MPP2: variants seen among roughly 807,000 people sequenced by gnomAD.
MPP2 encodes the protein MAGUK p55 subfamily member 2.
In MPP2, 42 loss-of-function variants were observed where a neutral mutation model predicts 58.5. The ratio of observed to expected loss-of-function variants is 0.72; its 90% CI spans 0.56 to 0.93. The LOEUF is 0.93. MPP2 is among the 40% of genes least tolerant of loss of function. The pLI, the probability that MPP2 is intolerant of heterozygous loss-of-function variation, is 0.00. For synonymous variants in MPP2, 300 were observed against 307.8 expected, an observed-to-expected ratio of 0.97 and a Z score of 0.26; for missense variants, 632 against 760.4, an observed-to-expected ratio of 0.83 and a Z score of 1.99.
At chr17:43,900,572 GACT>G (rs1444602967) in intron 2 of MPP2, 3 of 1,536,076 alleles carry the variant, frequency 2.0e-6, no homozygotes, top group Admixed American at 4.0e-5. Flanking sequence ...CAGACCCGGG[GACT>G]CCCGGAGCGT....
rs1055181219 is a variant in MPP2, at chr17:43,880,234, C to A, written c.1151-250G>T. Among the ~76,000 whole-genome samples, 1 of 152,048 alleles carries A rather than the reference C, an allele frequency of 6.6e-6. No individual in the cohort carries two copies. The highest frequency in any genetic ancestry group is 2.4e-5 in the African/African-American group (1 of 41,398). ...AAGAGAGGCTGAGGTCCAGAAAGGG[C>A]AATGTACAGCCCAAAGCCACACAGC... On this transcript the variant is annotated intron_variant, in intron 10 of 12. Coordinates refer to ENST00000269095, the MANE Select transcript of MPP2 (RefSeq NM_005374.5). The surrounding 1 kb of genome is among the most constrained non-coding windows in gnomAD (Gnocchi z 5.2).
At chr17:43,901,173 C>T (rs118013624) in intron 2 of MPP2, 11,241 of 816,866 alleles carry the variant, frequency 0.014, 85 homozygotes, top group Middle Eastern at 0.026. Context: ...GGGCAAATAC[C>T]TCAAGCCTCA....
At chr17:43,881,002 G>C (rs2047087534) in intron 9 of MPP2, 88 bp downstream of exon 9, 3 of 1,546,166 alleles carry the variant, frequency 1.9e-6, no homozygotes, top group Non-Finnish European at 2.7e-6. Context: ...ATCTGAGCCA[G>C]GCACACGTCG....
At chr17:43,887,031 C>T (rs528308521) in intron 3 of MPP2, among the ~76,000 whole-genome samples, 53 of 140,432 alleles carry the variant, frequency 3.8e-4, no homozygotes, top group Non-Finnish European at 6.7e-4. Context: ...TTTGACTCTG[C>T]TTGTGGTGTT....
intron 1 of MPP2, among the ~76,000 whole-genome samples, chr17:43,906,338 G>A (rs1002171104): frequency 1.3e-5 from 2 of 152,206 alleles, no homozygotes; most frequent in African/African-American, 4.8e-5. Context: ...CAGGAGAACG[G>A]CAGTGCCAGG....
At position 43,877,429 on chromosome 17, in the gene MPP2, G is replaced by C. The variant is rs2046893926; in HGVS notation, c.*378C>G. On this transcript the variant is annotated 3_prime_UTR_variant, in exon 13 of 13. Coordinates refer to ENST00000269095, the MANE Select transcript of MPP2 (RefSeq NM_005374.5). ...GTGTGGCCAGTCCAGAGGAGAACTG[G>C]TGACTGGGGAGGGGTGGCAGGGGGC... is the stretch of plus-strand genomic sequence containing the variant. 1 of 187,130 alleles carries C rather than the reference G, an allele frequency of 5.3e-6. No individual in the cohort carries two copies. The highest frequency in any genetic ancestry group is 1.1e-5 in the Non-Finnish European group (1 of 88,448). The allele number at this position is 187,130 out of a possible 1,614,324, so 11.6% of individuals were successfully genotyped here.
At chr17:43,878,088 C>G in intron 12 of MPP2, 105 bp from the exon 13 acceptor site, 1 of 1,250,536 alleles carries the variant, frequency 8.0e-7, no homozygotes, top group South Asian at 1.5e-5. Flanking sequence ...AAGCCCAACC[C>G]TGGTGTGGAC....
rs186194164 is a variant in MPP2 at position 43,907,456 on chromosome 17, G to C, written c.-34+18C>G. 6,231 of 985,594 alleles carry C rather than the reference G, an allele frequency of 6.3e-3. 28 individuals carry two copies. Among genetic ancestry groups the C allele is most frequent in the Middle Eastern group, 0.033 (64 of 1,918 alleles). The allele number at this position is 985,594 out of a possible 1,614,324, so 61.1% of individuals were successfully genotyped here. A position where few individuals can be genotyped will look rare whatever the true frequency, so the allele number is the denominator to read the frequency against. ...GGTCTTGGGATAGGAGCTGGCCCGGGGGCCGGGGGACGCCTACCTGCGCCC... is the reference window on the plus strand; with the variant it reads ...GGTCTTGGGATAGGAGCTGGCCCGGCGGCCGGGGGACGCCTACCTGCGCCC... On this transcript the variant is annotated intron_variant, in intron 1 of 12. Coordinates refer to ENST00000269095, the MANE Select transcript of MPP2 (RefSeq NM_005374.5).
Position 43,879,546 on chromosome 17 carries a change from C to G in MPP2, c.1354-143G>C. 1 of 1,125,118 alleles carries G rather than the reference C, an allele frequency of 8.9e-7. No individual in the cohort carries two copies. Among genetic ancestry groups the G allele is most frequent in the Non-Finnish European group, 1.3e-6 (1 of 777,244 alleles). 69.7% of individuals were successfully genotyped at this position (1,125,118 alleles called of 1,614,324 possible). A position where few individuals can be genotyped will look rare whatever the true frequency, so the allele number is the denominator to read the frequency against. Reference sequence around the variant, plus strand: ...TGCCCGGGGGTCTGGGACATGAGTCCTGGGACAAATGACAAACAGCTGGCA... The same window carrying G: ...TGCCCGGGGGTCTGGGACATGAGTCGTGGGACAAATGACAAACAGCTGGCA... On this transcript the variant is annotated intron_variant, in intron 11 of 12. Coordinates refer to ENST00000269095, the MANE Select transcript of MPP2 (RefSeq NM_005374.5). The surrounding 1 kb of genome is among the most constrained non-coding windows in gnomAD (Gnocchi z 4.1).
At chr17:43,909,511 A>G, upstream of MPP2, 2 of 1,294,244 alleles carry the variant, frequency 1.5e-6, no homozygotes, top group Non-Finnish European at 2.0e-6. Flanking sequence ...TCTACAAGAT[A>G]TTAATTACTT....
intron 3 of MPP2, 35 bp from the exon 4 acceptor site, chr17:43,883,390 C>T (rs1182206755): frequency 1.3e-6 from 2 of 1,595,546 alleles, no homozygotes; most frequent in Non-Finnish European, 8.5e-7. Flanking sequence ...GGGCTAGGAG[C>T]TTCCCCAGGA....
intron 2 of MPP2, among the ~76,000 whole-genome samples, chr17:43,904,033 C>G (rs1193455535): frequency 6.6e-6 from 1 of 152,186 alleles, no homozygotes; most frequent in Non-Finnish European, 1.5e-5. Context: ...TTCTCAGCCC[C>G]AGGCTGTGCT....
At position 43,876,387 on chromosome 17, in the gene MPP2, C is replaced by T. The variant is rs919550263; in HGVS notation, c.*1420G>A. 3 of 152,392 alleles carry T rather than the reference C, an allele frequency of 2.0e-5. No individual in the cohort carries two copies. The highest frequency in any genetic ancestry group is 2.9e-5 in the Non-Finnish European group (2 of 68,044). The allele number at this position is 152,392 out of a possible 1,614,324, so 9.4% of individuals were successfully genotyped here. ...TAATGAAGGATGAGATGCCCAAGTA[C>T]ATCTAGGACAGCATTCTTTCTTAAA... is the stretch of plus-strand genomic sequence containing the variant. On this transcript the variant is annotated 3_prime_UTR_variant, in exon 13 of 13. Transcript: ENST00000269095.
At chr17:43,904,599 G>A in intron 1 of MPP2, 106 bp from the exon 2 acceptor site, 3 of 897,840 alleles carry the variant, frequency 3.3e-6, no homozygotes, top group Non-Finnish European at 5.2e-6. Context: ...AGGGGAGAAG[G>A]TGCTGCCCAG....
chr17:43,904,511 G>A lies in MPP2; in HGVS notation c.-33-18C>T. 2 of 1,612,166 alleles carry A rather than the reference G, an allele frequency of 1.2e-6. No individual in the cohort carries two copies. The highest frequency in any genetic ancestry group is 1.7e-4 in the Middle Eastern group (1 of 6,050). Reference sequence around the variant, plus strand: ...CGTCTCTCCTGGAGAGGGGAGAGAGGAGGATGAGCAGATACAAGGGCAAAG... The same window carrying A: ...CGTCTCTCCTGGAGAGGGGAGAGAGAAGGATGAGCAGATACAAGGGCAAAG... On this transcript the variant is annotated intron_variant, in intron 1 of 12. Transcript: ENST00000269095.
chr17:43,900,695 C>T, intron 2 of MPP2: 1 of 1,377,524 alleles, frequency 7.3e-7, no homozygotes, highest in South Asian at 1.6e-5. Context: ...GCTCAGCCGC[C>T]GTGACCGCCT....
chr17:43,889,268 C>T (rs1295152051), intron 3 of MPP2, among the ~76,000 whole-genome samples: 2 of 151,878 alleles, frequency 1.3e-5, no homozygotes, highest in African/African-American at 4.8e-5. Flanking sequence ...TCTAAGAGAA[C>T]CCACCACCCA....
At chr17:43,889,817 GTTTT>G (rs869141658) in intron 3 of MPP2, among the ~76,000 whole-genome samples, 1 of 19,116 alleles carries the variant, frequency 5.2e-5, no homozygotes, top group Admixed American at 1.2e-3. Context: ...TTTTTTTTTT[GTTTT>G]TTTTTTTTTG....
In MPP2 at chr17:43,876,720, T is replaced by A. The variant is rs2143480796; in HGVS notation, c.*1087A>T. On this transcript the variant is annotated 3_prime_UTR_variant, in exon 13 of 13. Transcript: ENST00000269095. Reference sequence around the variant, plus strand: ...CAGAGGCACAGACAGGTGCCGAACATGCACGTGGAACCACAGGTTGTACAG... The same window carrying A: ...CAGAGGCACAGACAGGTGCCGAACAAGCACGTGGAACCACAGGTTGTACAG... The A allele has an allele frequency of 6.6e-6, 1 of 152,424 alleles. No individual in the cohort carries two copies. The highest frequency in any genetic ancestry group is 6.5e-5 in the Admixed American group (1 of 15,300). The allele number at this position is 152,424 out of a possible 1,614,324, so 9.4% of individuals were successfully genotyped here.
Sources: allele counts gnomAD v4.1 joint callset (sites outside exome capture counted in the v4.1 genomes callset), GRCh38; gene constraint gnomAD v4.1.1; non-coding constraint Gnocchi (gnomAD v3.1); transcripts MANE v1.5; gene names NCBI Gene and HGNC (gene_info 2026-07-23, HGNC 2026-07-21).